Variants in FOXC1 observed in about 807,000 individuals in gnomAD.
The protein encoded by FOXC1 is forkhead box C1.
In FOXC1, 5 loss-of-function variants were observed where a neutral mutation model predicts 8.1. The ratio of observed to expected loss-of-function variants is 0.62; its 90% CI spans 0.32 to 1.30. The LOEUF is 1.30. FOXC1 is among the 50% of genes most tolerant of loss of function. FOXC1 has a pLI of 0.05. For synonymous variants in FOXC1, 552 were observed against 417.2 expected (o/e 1.32, Z -3.94); for missense variants, 942 against 858.0 (o/e 1.10, Z -1.22).
rs992554214 is a variant in FOXC1 at position 1,610,068 on chromosome 6, C to T, written c.-378C>T. The T allele has an allele frequency of 1.5e-5, 2 of 135,118 alleles. No homozygotes were observed. Among genetic ancestry groups the T allele is most frequent in the African/African-American group, 5.5e-5 (2 of 36,392 alleles). The allele number at this position is 135,118 out of a possible 1,614,324, so 8.4% of individuals were successfully genotyped here. On this transcript the variant is annotated 5_prime_UTR_variant, in exon 1 of 1. Coordinates refer to ENST00000645831, the MANE Select transcript of FOXC1 (RefSeq NM_001453.3). ...GGCCGCCTTCGCCGGCAGCTCAGGGCAGAGTCTCCTGGAAGGCGCAGGCAG... is the reference window on the plus strand; with the variant it reads ...GGCCGCCTTCGCCGGCAGCTCAGGGTAGAGTCTCCTGGAAGGCGCAGGCAG...
Position 1,611,888 on chromosome 6 carries a change from C to T in FOXC1, c.1443C>T (p.Asp481=), listed in dbSNP as rs183970787. The T allele has an allele frequency of 3.4e-5, 53 of 1,541,284 alleles. No homozygotes were observed. In the African/African-American group the frequency reaches 4.9e-4, roughly 14 times the overall value. Reference sequence around the variant, plus strand: ...GGTACCTGAACCAGGCGGGCGGAGACCTGGGCCACTTGGCGAGCGCGGCGG... The same window carrying T: ...GGTACCTGAACCAGGCGGGCGGAGATCTGGGCCACTTGGCGAGCGCGGCGG... ...TSWYLNQAGG[D]LGHLASAAAA... The change falls in exon 1 of 1, where the codon GAC becomes GAT. Residue 481 remains aspartate, a synonymous_variant. Transcript: ENST00000645831. This position sits in a 1 kb window ranked among gnomAD's most constrained non-coding sequence, Gnocchi z 7.1.
chr6:1,612,633 G>A lies in FOXC1; in HGVS notation c.*526G>A, dbSNP rs1762576732. On this transcript the variant is annotated 3_prime_UTR_variant, in exon 1 of 1. Transcript: ENST00000645831. Reference sequence around the variant, plus strand: ...CATAGTAATTTATTTTTAATTTGTAGTTGGATGTCGTGGACCAAACGCCAG... The same window carrying A: ...CATAGTAATTTATTTTTAATTTGTAATTGGATGTCGTGGACCAAACGCCAG... 2 of 233,780 alleles carry A rather than the reference G, an allele frequency of 8.6e-6. No homozygotes were observed. Among genetic ancestry groups the A allele is most frequent in the South Asian group, 3.4e-4 (2 of 5,820 alleles). 14.5% of individuals were successfully genotyped at this position (233,780 alleles called of 1,614,324 possible).
chr6:1,610,738 A>G lies in FOXC1; in HGVS notation c.293A>G (p.Lys98Arg). The change falls in exon 1 of 1, where the codon AAG becomes AGG. Residue 98 changes from lysine (K) to arginine (R), a missense_variant. By Grantham distance (26) the Lys-to-Arg change is conservative. Coordinates refer to ENST00000645831, the MANE Select transcript of FOXC1 (RefSeq NM_001453.3). ...GCCATCCAGAACGCCCCGGACAAGA[A>G]GATCACCCTGAACGGCATCTACCAG... ...TMAIQNAPDK[K>R]ITLNGIYQFI... The G allele has an allele frequency of 6.2e-7, 1 of 1,613,994 alleles. No individual in the cohort carries two copies. Among genetic ancestry groups the G allele is most frequent in the Non-Finnish European group, 8.5e-7 (1 of 1,179,988 alleles).
chr6:1,611,483 C>T lies in FOXC1; in HGVS notation c.1038C>T (p.Pro346=), dbSNP rs1355905429. 1 of 1,381,646 alleles carries T rather than the reference C, an allele frequency of 7.2e-7. No homozygotes were observed. Among genetic ancestry groups the T allele is most frequent in the Non-Finnish European group, 9.4e-7 (1 of 1,063,406 alleles). The allele number at this position is 1,381,646 out of a possible 1,614,324, so 85.6% of individuals were successfully genotyped here. A position where few individuals can be genotyped will look rare whatever the true frequency, so the allele number is the denominator to read the frequency against. ...CGTCCTCGCGCGCGGGGATCGCACC[C>T]CCGCTGGCGCTCGGCGCCTACTCGC... ...AAASSRAGIA[P]PLALGAYSPG... Residue 346 remains proline, a synonymous_variant, in exon 1 of 1, where the codon CCC becomes CCT. Coordinates refer to ENST00000645831, the MANE Select transcript of FOXC1 (RefSeq NM_001453.3). The surrounding 1 kb of genome is among the most constrained non-coding windows in gnomAD (Gnocchi z 7.1).
In FOXC1 at chr6:1,611,601, G is replaced by A. The variant is rs1762550797; in HGVS notation, c.1156G>A (p.Gly386Ser). 2 of 1,179,444 alleles carry A rather than the reference G, an allele frequency of 1.7e-6. No individual in the cohort carries two copies. The highest frequency in any genetic ancestry group is 3.3e-5 in the African/African-American group (2 of 60,752). The allele number at this position is 1,179,444 out of a possible 1,614,324, so 73.1% of individuals were successfully genotyped here. A position where few individuals can be genotyped will look rare whatever the true frequency, so the allele number is the denominator to read the frequency against. Residue 386 changes from glycine (G) to serine (S), a missense_variant, in exon 1 of 1, where the codon GGC (glycine) becomes AGC (serine). Transcript: ENST00000645831. The surrounding 1 kb of genome is among the most constrained non-coding windows in gnomAD (Gnocchi z 7.1). ...CGGCGGCGGCGCGGGGGCCGCGGGG[G>A]GCGCGGGCGGCGCCGGGACCTACCA... ...GGGGGAGAAG[G>S]AGGAGTYHCN... is the part of the protein sequence containing the mutation.
Position 1,610,372 on chromosome 6 carries a change from G to C in FOXC1, c.-74G>C. On this transcript the variant is annotated 5_prime_UTR_variant, in exon 1 of 1. Transcript: ENST00000645831. Reference sequence around the variant, plus strand: ...GCCGGGCCCGGACTCGGACTCGGCGGCCGGCGCGGCGCGGCCCGGCCCGAG... The same window carrying C: ...GCCGGGCCCGGACTCGGACTCGGCGCCCGGCGCGGCGCGGCCCGGCCCGAG... 1 of 862,378 alleles carries C rather than the reference G, an allele frequency of 1.2e-6. No individual in the cohort carries two copies. 53.4% of individuals were successfully genotyped at this position (862,378 alleles called of 1,614,324 possible). A position where few individuals can be genotyped will look rare whatever the true frequency, so the allele number is the denominator to read the frequency against.
In FOXC1 at chr6:1,613,854, T is replaced by TA. The variant is rs1554101295; in HGVS notation, c.*1750dup. 3 of 206,654 alleles carry TA rather than the reference T, an allele frequency of 1.5e-5. No individual in the cohort carries two copies. The highest frequency in any genetic ancestry group is 3.3e-5 in the Non-Finnish European group (3 of 91,852). 12.8% of individuals were successfully genotyped at this position (206,654 alleles called of 1,614,324 possible). ...CTTGTTGTCAAAATTTGATCATTGT[T>TA]AAAGGATTGCTGCAAATAAATACAC... is the stretch of plus-strand genomic sequence containing the variant. On this transcript the variant is annotated 3_prime_UTR_variant, in exon 1 of 1. Transcript: ENST00000645831.
Position 1,611,441 on chromosome 6 carries a change from T to A in FOXC1, c.996T>A (p.Leu332=). ...CGGCCGCGGAGCTCAGCTCCGGCCT[T>A]CTGGCCTCGGCGGCCGCGTCCTCGC... is the stretch of plus-strand genomic sequence containing the variant. ...QSAAAELSSG[L]LASAAASSRA... The change falls in exon 1 of 1, where the codon CTT becomes CTA. Residue 332 remains leucine (L), a synonymous_variant. Coordinates refer to ENST00000645831, the MANE Select transcript of FOXC1 (RefSeq NM_001453.3). The surrounding 1 kb of genome is among the most constrained non-coding windows in gnomAD (Gnocchi z 7.1). 7.1e-7 allele frequency: 1 copy of A among 1,405,208 alleles called. No homozygotes were observed. The highest frequency in any genetic ancestry group is 1.4e-5 in the South Asian group (1 of 69,344). The allele number at this position is 1,405,208 out of a possible 1,614,324, so 87.0% of individuals were successfully genotyped here.
At position 1,611,078 on chromosome 6, in the gene FOXC1, C is replaced by A; in HGVS notation, c.633C>A (p.Gly211=). Residue 211 remains glycine, a synonymous_variant, in exon 1 of 1, where the codon GGC becomes GGA. Coordinates refer to ENST00000645831, the MANE Select transcript of FOXC1 (RefSeq NM_001453.3). The surrounding 1 kb of genome is among the most constrained non-coding windows in gnomAD (Gnocchi z 7.1). ...CCGCGCCGCCGGAGCAGGCCGACGG[C>A]AACGCGCCCGGTCCGCAGCCGCCGC... ...PPPAPPEQAD[G]NAPGPQPPPV... The A allele has an allele frequency of 7.1e-7, 1 of 1,407,072 alleles. No individual in the cohort carries two copies. The highest frequency in any genetic ancestry group is 1.6e-5 in the South Asian group (1 of 62,376). The allele number at this position is 1,407,072 out of a possible 1,614,324, so 87.2% of individuals were successfully genotyped here.
At position 1,611,974 on chromosome 6, in the gene FOXC1, T is replaced by C. The variant is rs1762563488; in HGVS notation, c.1529T>C (p.Met510Thr). Residue 510 changes from methionine to threonine, a missense_variant, in exon 1 of 1, where the codon ATG becomes ACG. Met to Thr is a moderately conservative substitution (Grantham distance 81, BLOSUM62 -1). Coordinates refer to ENST00000645831, the MANE Select transcript of FOXC1 (RefSeq NM_001453.3). This position sits in a 1 kb window ranked among gnomAD's most constrained non-coding sequence, Gnocchi z 7.1. ...CAGAACTTCCACTCGGTGCGGGAGA[T>C]GTTCGAGTCACAGAGGATCGGCTTG... Reference protein sequence around the residue: ...QQQNFHSVREMFESQRIGLNN... With the variant: ...QQQNFHSVRETFESQRIGLNN... 2 of 1,610,590 alleles carry C rather than the reference T, an allele frequency of 1.2e-6. No individual in the cohort carries two copies. The highest frequency in any genetic ancestry group is 1.3e-5 in the African/African-American group (1 of 74,890).
At position 1,611,998 on chromosome 6, in the gene FOXC1, T is replaced by C; in HGVS notation, c.1553T>C (p.Leu518Ser). ...ATGTTCGAGTCACAGAGGATCGGCT[T>C]GAACAACTCTCCAGTGAACGGGAAT... ...REMFESQRIGLNNSPVNGNSS... is the reference protein window; with the variant it reads ...REMFESQRIGSNNSPVNGNSS... Residue 518 changes from leucine to serine, a missense_variant, in exon 1 of 1, where the codon TTG (leucine) becomes TCG (serine). This residue lies in a region of FOXC1 where 726 missense variants were observed against 599.6 expected (regional missense o/e 1.21). Coordinates refer to ENST00000645831, the MANE Select transcript of FOXC1 (RefSeq NM_001453.3). This position sits in a 1 kb window ranked among gnomAD's most constrained non-coding sequence, Gnocchi z 7.1. The C allele has an allele frequency of 1.9e-6, 3 of 1,611,584 alleles. No homozygotes were observed. The highest frequency in any genetic ancestry group is 1.7e-6 in the Non-Finnish European group (2 of 1,179,478).
In FOXC1 at chr6:1,611,681, G is replaced by T; in HGVS notation, c.1236G>T (p.Leu412Phe). ...CGGCCGGCGAGCGCGGGGGCCACTT[G>T]CAGGGCGCGCCCGGGGGCGCGGGCG... ...LYAAGERGGH[L>F]QGAPGGAGGS... Residue 412 changes from leucine to phenylalanine, a missense_variant, in exon 1 of 1, where the codon TTG (leucine) becomes TTT (phenylalanine). By Grantham distance (22) the Leu-to-Phe change is conservative (BLOSUM62 0). Coordinates refer to ENST00000645831, the MANE Select transcript of FOXC1 (RefSeq NM_001453.3). The surrounding 1 kb of genome is among the most constrained non-coding windows in gnomAD (Gnocchi z 7.1). 2 of 1,415,664 alleles carry T rather than the reference G, an allele frequency of 1.4e-6. No individual in the cohort carries two copies. The highest frequency in any genetic ancestry group is 9.2e-7 in the Non-Finnish European group (1 of 1,091,530). 87.7% of individuals were successfully genotyped at this position (1,415,664 alleles called of 1,614,324 possible).
rs749942967 is a variant in FOXC1, at chr6:1,611,850, C to T, written c.1405C>T (p.Arg469Cys). The T allele has an allele frequency of 2.0e-6, 3 of 1,537,990 alleles. No homozygotes were observed. The highest frequency in any genetic ancestry group is 2.4e-5 in the South Asian group (2 of 83,366). Residue 469 changes from arginine to cysteine, a missense_variant, in exon 1 of 1, where the codon CGC (arginine) becomes TGC (cysteine). Physicochemically the swap from Arg to Cys is radical, Grantham distance 180. Transcript: ENST00000645831. The surrounding 1 kb of genome is among the most constrained non-coding windows in gnomAD (Gnocchi z 7.1). ...AGHHPAAHQG[R>C]LTSWYLNQAG... ...CCACCACCCTGCGGCCCACCAAGGC[C>T]GCCTCACCTCGTGGTACCTGAACCA... is the stretch of plus-strand genomic sequence containing the variant.
chr6:1,611,582 C>CGGT lies in FOXC1; in HGVS notation c.1139_1140insTGG (p.Gly380dup), dbSNP rs2113113805. On this transcript the variant is annotated inframe_insertion, in exon 1 of 1. Coordinates refer to ENST00000645831, the MANE Select transcript of FOXC1 (RefSeq NM_001453.3). The surrounding 1 kb of genome is among the most constrained non-coding windows in gnomAD (Gnocchi z 7.1). ...CGGGCAGCTCGGGCGGCGGCGGCGG[C>CGGT]GGCGCGGGGGCCGCGGGGGGCGCGG... 1 of 1,163,440 alleles carries CGGT rather than the reference C, an allele frequency of 8.6e-7. No homozygotes were observed. The highest frequency in any genetic ancestry group is 1.1e-6 in the Non-Finnish European group (1 of 948,418). 72.1% of individuals were successfully genotyped at this position (1,163,440 alleles called of 1,614,324 possible). A position where few individuals can be genotyped will look rare whatever the true frequency, so the allele number is the denominator to read the frequency against.
chr6:1,611,028 C>T lies in FOXC1; in HGVS notation c.583C>T (p.Pro195Ser), dbSNP rs1762529895. 2 of 1,557,770 alleles carry T rather than the reference C, an allele frequency of 1.3e-6. No individual in the cohort carries two copies. Among genetic ancestry groups the T allele is most frequent in the African/African-American group, 1.4e-5 (1 of 72,904 alleles). The part of the protein sequence containing the change: ...EKDRLHLKEP[P>S]PPGRQPPPAP... ...GGACAGGCTGCACCTCAAGGAGCCG[C>T]CCCCGCCCGGCCGCCAGCCCCCGCC... Residue 195 changes from proline to serine, a missense_variant, in exon 1 of 1, where the codon CCC becomes TCC. Physicochemically the swap from Pro to Ser is moderately conservative, Grantham distance 74 (BLOSUM62 -1). Transcript: ENST00000645831. The surrounding 1 kb of genome is among the most constrained non-coding windows in gnomAD (Gnocchi z 7.1).
rs1351078233 is a variant in FOXC1 at position 1,611,396 on chromosome 6, G to A, written c.951G>A (p.Leu317=). The A allele has an allele frequency of 6.9e-7, 1 of 1,450,868 alleles. No homozygotes were observed. The highest frequency in any genetic ancestry group is 9.1e-7 in the Non-Finnish European group (1 of 1,103,788). The allele number at this position is 1,450,868 out of a possible 1,614,324, so 89.9% of individuals were successfully genotyped here. ...GCGTGGACAACATCATGACGTCGCT[G>A]CGGGGGTCGCCGCAGAGCGCGGCCG... The part of the protein sequence containing the change: ...GFSVDNIMTS[L]RGSPQSAAAE... The change falls in exon 1 of 1, where the codon CTG becomes CTA. Residue 317 remains leucine (L), a synonymous_variant. Transcript: ENST00000645831. This position sits in a 1 kb window ranked among gnomAD's most constrained non-coding sequence, Gnocchi z 7.1.
rs556342882 is a variant in FOXC1, at chr6:1,611,485, C to G, written c.1040C>G (p.Pro347Arg). Reference protein sequence around the residue: ...AASSRAGIAPPLALGAYSPGQ... With the variant: ...AASSRAGIAPRLALGAYSPGQ... Reference sequence around the variant, plus strand: ...TCCTCGCGCGCGGGGATCGCACCCCCGCTGGCGCTCGGCGCCTACTCGCCC... The same window carrying G: ...TCCTCGCGCGCGGGGATCGCACCCCGGCTGGCGCTCGGCGCCTACTCGCCC... The change falls in exon 1 of 1, where the codon CCG becomes CGG. Residue 347 changes from proline to arginine, a missense_variant. Physicochemically the swap from Pro to Arg is moderately radical, Grantham distance 103. Transcript: ENST00000645831. This position sits in a 1 kb window ranked among gnomAD's most constrained non-coding sequence, Gnocchi z 7.1. 2 of 1,378,278 alleles carry G rather than the reference C, an allele frequency of 1.5e-6. No individual in the cohort carries two copies. The highest frequency in any genetic ancestry group is 1.5e-5 in the African/African-American group (1 of 65,914). The allele number at this position is 1,378,278 out of a possible 1,614,324, so 85.4% of individuals were successfully genotyped here. A position where few individuals can be genotyped will look rare whatever the true frequency, so the allele number is the denominator to read the frequency against.
rs1256616942 is a variant in FOXC1, at chr6:1,611,005, A to G, written c.560A>G (p.Asp187Gly). The G allele has an allele frequency of 2.0e-5, 32 of 1,608,274 alleles. No individual in the cohort carries two copies. Among genetic ancestry groups the G allele is most frequent in the Non-Finnish European group, 2.7e-5 (32 of 1,178,056 alleles). Reference sequence around the variant, plus strand: ...GCGGTGAAGGACAAGGAGGAGAAGGACAGGCTGCACCTCAAGGAGCCGCCC... The same window carrying G: ...GCGGTGAAGGACAAGGAGGAGAAGGGCAGGCTGCACCTCAAGGAGCCGCCC... ...KDAVKDKEEK[D>G]RLHLKEPPPP... The change falls in exon 1 of 1, where the codon GAC becomes GGC. Residue 187 changes from aspartate to glycine, a missense_variant. By Grantham distance (94) the Asp-to-Gly change is moderately conservative (BLOSUM62 -1). Around this residue, in one of 4 missense-constraint regions of FOXC1, gnomAD observed 726 missense variants for 599.6 expected, o/e 1.21. Coordinates refer to ENST00000645831, the MANE Select transcript of FOXC1 (RefSeq NM_001453.3). The surrounding 1 kb of genome is among the most constrained non-coding windows in gnomAD (Gnocchi z 7.1).
In FOXC1 at chr6:1,613,463, A is replaced by G. The variant is rs1333123102; in HGVS notation, c.*1356A>G. 8.6e-6 allele frequency: 2 copies of G among 231,536 alleles called. No homozygotes were observed. Among genetic ancestry groups the G allele is most frequent in the Non-Finnish European group, 9.2e-6 (1 of 108,128 alleles). 14.3% of individuals were successfully genotyped at this position (231,536 alleles called of 1,614,324 possible). A position where few individuals can be genotyped will look rare whatever the true frequency, so the allele number is the denominator to read the frequency against. On this transcript the variant is annotated 3_prime_UTR_variant, in exon 1 of 1. Transcript: ENST00000645831. ...TATTTAATCTTTGAGAAACTATTTT[A>G]GAAAATATGTTTGTAGAACAATTAT...
Sources: gnomAD v4.1 joint callset for allele counts on GRCh38, gnomAD v4.1.1 for gene constraint, gnomAD v4.1.1 regional missense constraint, Gnocchi (gnomAD v3.1) non-coding constraint, MANE v1.5 for transcripts, NCBI Gene and HGNC (gene_info 2026-07-23, HGNC 2026-07-21) for gene names.